Variants in HYDIN observed in about 807,000 individuals in gnomAD.
HYDIN encodes HYDIN axonemal central pair apparatus protein, also known as axonemal central pair apparatus protein HYDIN.
A neutral mutation model predicts 403.9 loss-of-function variants in HYDIN; 132 were observed. The observed-to-expected ratio is 0.33, with a 90% CI of 0.28 to 0.38. The LOEUF (loss-of-function observed/expected upper bound fraction) is 0.38, where lower values mean the gene tolerates loss of function less well. Ranked by LOEUF, HYDIN falls within the 10% of genes least tolerant of loss-of-function variation. HYDIN has a pLI of 1.00. For synonymous variants in HYDIN, 1,202 were observed against 1,891.7 expected (o/e 0.64, Z 9.46); for missense variants, 2,827 against 5,009.5 (o/e 0.56, Z 13.15).
chr16:71,002,215 A>C (rs2079740514), intron 23 of HYDIN, among the ~76,000 whole-genome samples: 1 of 152,174 alleles, frequency 6.6e-6, no homozygotes, highest in South Asian at 2.1e-4. Context: ...GATTACGGAT[A>C]GTTTCACTAT....
rs376601468 is a variant in HYDIN at position 70,920,853 on chromosome 16, C to T, written c.7523G>A (p.Arg2508His). Residue 2508 changes from arginine (R) to histidine (H), a missense_variant, in exon 46 of 86, where the codon CGC becomes CAC. Physicochemically the swap from Arg to His is conservative, Grantham distance 29 (BLOSUM62 0). Transcript: ENST00000393567. ...CAGGCGCTCTCTCTCCCGGTCCTTG[C>T]GGCCCCTGCGCCCACCCAAGGGGAC... ...RQVPLGGRRG[R>H]KDRERERLEK... is the part of the protein sequence containing the mutation. The T allele has an allele frequency of 5.6e-6, 9 of 1,593,634 alleles. No individual in the cohort carries two copies. The highest frequency in any genetic ancestry group is 1.3e-5 in the African/African-American group (1 of 74,534).
chr16:70,819,381 AAATTT>A (rs113503868), intron 83 of HYDIN, among the ~76,000 whole-genome samples: 5,082 of 152,008 alleles, frequency 0.033, 251 homozygotes, highest in African/African-American at 0.12. Context: ...TAACCTTTTA[AAATTT>A]AATTTAATTT....
chr16:71,176,980 G>A (rs577748937), intron 4 of HYDIN, among the ~76,000 whole-genome samples: 1 of 152,200 alleles, frequency 6.6e-6, no homozygotes, highest in Non-Finnish European at 1.5e-5. Flanking sequence ...AGAAGCAGAG[G>A]AGCAGGGTCA....
intron 39 of HYDIN, among the ~76,000 whole-genome samples, chr16:70,956,306 GA>G (rs1296164491): frequency 6.8e-6 from 1 of 147,474 alleles, no homozygotes; most frequent in Non-Finnish European, 1.5e-5. Context: ...CAAGAGAAAA[GA>G]AAAAAAATCC....
chr16:70,948,995 A>C (rs9940313), intron 41 of HYDIN, among the ~76,000 whole-genome samples: 75,570 of 135,962 alleles, frequency 0.56, 20,664 homozygotes, highest in Non-Finnish European at 0.63. Flanking sequence ...GCTGCTATAA[A>C]GACACATGCA....
intron 80 of HYDIN, among the ~76,000 whole-genome samples, chr16:70,831,320 G>T: frequency 6.6e-6 from 1 of 151,268 alleles, no homozygotes; most frequent in Non-Finnish European, 1.5e-5. Context: ...GACCAACCCG[G>T]CCAACATGGC....
chr16:71,057,849 T>C (rs2081951678), intron 18 of HYDIN, among the ~76,000 whole-genome samples: 1 of 118,344 alleles, frequency 8.4e-6, no homozygotes. Context: ...AAAATGCTCA[T>C]CATCACTGGC....
chr16:70,859,245 G>A (rs1597143947), intron 71 of HYDIN, among the ~76,000 whole-genome samples: 2 of 152,068 alleles, frequency 1.3e-5, no homozygotes, highest in African/African-American at 4.8e-5. Flanking sequence ...AGCATGTAGT[G>A]AGCCGAGATC....
chr16:71,028,624 C>T (rs1417258961), intron 19 of HYDIN, among the ~76,000 whole-genome samples: 4 of 151,320 alleles, frequency 2.6e-5, no homozygotes, highest in East Asian at 1.9e-4. Flanking sequence ...AAACTCATCT[C>T]GGGACTGTTT....
intron 21 of HYDIN, among the ~76,000 whole-genome samples, chr16:71,024,042 T>C (rs1366660627): frequency 6.6e-6 from 1 of 152,236 alleles, no homozygotes; most frequent in East Asian, 1.9e-4. Context: ...GGGAGGACTG[T>C]TCTCACTGTT....
At chr16:70,969,384 T>TGA (rs1285420982) in intron 36 of HYDIN, among the ~76,000 whole-genome samples, 11 of 152,084 alleles carry the variant, frequency 7.2e-5, no homozygotes, top group Non-Finnish European at 1.6e-4. Flanking sequence ...CTGAAAGCAG[T>TGA]GAGAGAGAGA....
At chr16:70,875,021 A>G in intron 62 of HYDIN, 102 bp from the exon 63 acceptor site, 2 of 1,151,780 alleles carry the variant, frequency 1.7e-6, no homozygotes, top group Non-Finnish European at 2.3e-6. Context: ...GGACCCCAAA[A>G]AGGTATTATG....
intron 18 of HYDIN, among the ~76,000 whole-genome samples, chr16:71,047,758 T>C (rs1164764787): frequency 2.7e-5 from 4 of 149,896 alleles, no homozygotes; most frequent in East Asian, 3.9e-4. Flanking sequence ...GAGTACAGAG[T>C]GATACTTTGA....
chr16:71,041,543 T>C (rs2081287660), intron 18 of HYDIN, among the ~76,000 whole-genome samples: 2 of 151,506 alleles, frequency 1.3e-5, no homozygotes, highest in Admixed American at 6.6e-5. Flanking sequence ...AAATGATCTG[T>C]AGACGAATAT....
At chr16:70,843,527 G>A (rs1016577936) in intron 75 of HYDIN, among the ~76,000 whole-genome samples, 4 of 141,214 alleles carry the variant, frequency 2.8e-5, no homozygotes, top group African/African-American at 9.0e-5. Flanking sequence ...CTTTATAGCA[G>A]CATGATTTAT....
chr16:70,981,616 C>T (rs1567946069), intron 28 of HYDIN, 48 bp from the exon 29 acceptor site: 2 of 1,548,162 alleles, frequency 1.3e-6, no homozygotes, highest in Non-Finnish European at 1.7e-6. Context: ...TGCTACAGTA[C>T]AGGTTCAACT....
At chr16:70,875,476 C>T (rs1266191033) in intron 62 of HYDIN, among the ~76,000 whole-genome samples, 24 of 151,982 alleles carry the variant, frequency 1.6e-4, no homozygotes, top group African/African-American at 5.8e-4. Flanking sequence ...AGCCATACAT[C>T]TGATTTCGGA....
intron 18 of HYDIN, among the ~76,000 whole-genome samples, chr16:71,035,979 G>C (rs886515): frequency 1.4e-5 from 2 of 144,626 alleles, no homozygotes; most frequent in Non-Finnish European, 3.1e-5. Context: ...CCTAACCCCA[G>C]TGGAGGTTAG....
chr16:70,903,130 T>C (rs990902668), intron 52 of HYDIN, among the ~76,000 whole-genome samples: 4 of 135,032 alleles, frequency 3.0e-5, no homozygotes, highest in Non-Finnish European at 3.1e-5. Context: ...GATTAAAGAA[T>C]GCAGGACACG....
Sources: gnomAD v4.1 joint callset for allele counts (sites outside exome capture counted in the v4.1 genomes callset) on GRCh38, gnomAD v4.1.1 for gene constraint, MANE v1.5 for transcripts, NCBI Gene and HGNC (gene_info 2026-07-23, HGNC 2026-07-21) for gene names.